Variants in DTD1 observed in about 807,000 individuals in gnomAD.
DTD1 encodes the protein D-aminoacyl-tRNA deacylase 1.
Under a neutral mutation model 25.6 loss-of-function variants are expected in DTD1, and 13 were observed. That is an observed-to-expected ratio of 0.51 (90% confidence interval 0.33 to 0.81). DTD1 has a LOEUF of 0.81. Among genes scored for constraint, DTD1 ranks in the 30% least tolerant of loss-of-function variants. The pLI is 0.02. For missense variants in DTD1, 193 were observed against 266.4 expected, an observed-to-expected ratio of 0.72 and a Z score of 1.92; for synonymous variants, 110 against 103.6, an observed-to-expected ratio of 1.06 and a Z score of -0.37.
intron 4 of DTD1, among the ~76,000 whole-genome samples, chr20:18,713,690 T>C (rs1023953109): frequency 1.3e-5 from 2 of 152,230 alleles, no homozygotes; most frequent in African/African-American, 4.8e-5. Flanking sequence ...ATTCTTTTAC[T>C]TACCTTGGTT....
intron 3 of DTD1, among the ~76,000 whole-genome samples, chr20:18,613,630 T>C (rs1747150525): frequency 6.6e-6 from 1 of 152,238 alleles, no homozygotes; most frequent in South Asian, 2.1e-4. Context: ...CACTTTCATT[T>C]ACCAGTTGTA....
chr20:18,755,707 T>A (rs932382373), intron 5 of DTD1, among the ~76,000 whole-genome samples: 1 of 152,216 alleles, frequency 6.6e-6, no homozygotes, highest in African/African-American at 2.4e-5. Context: ...TCTTTACTAT[T>A]GTGAATAGTG....
intron 4 of DTD1, among the ~76,000 whole-genome samples, chr20:18,676,254 GT>G (rs1288424175): frequency 1.3e-5 from 2 of 152,158 alleles, no homozygotes; most frequent in African/African-American, 4.8e-5. Context: ...ATGTTTGTAT[GT>G]TGTACCCTTA....
chr20:18,708,292 TA>T (rs2061141532), intron 4 of DTD1, among the ~76,000 whole-genome samples: 9 of 60,460 alleles, frequency 1.5e-4, no homozygotes, highest in Admixed American at 5.5e-4. Context: ...ATATTATATA[TA>T]TATAATATAT....
rs762686834 is a variant in DTD1 at position 18,641,521 on chromosome 20, T to TTG, written c.477+13308_477+13309dup. On this transcript the variant is annotated intron_variant, in intron 4 of 5. Coordinates refer to ENST00000377452, the MANE Select transcript of DTD1 (RefSeq NM_080820.6). ...AACATTTGCTGTTTTGTATGTGTGT[T>TTG]TGTGTGTGTGTGTGTGTGTGTTTTC... Among the ~76,000 whole-genome samples, 371 of 149,676 alleles carry TTG rather than the reference T, an allele frequency of 2.5e-3. 3 individuals carry two copies. The highest frequency in any genetic ancestry group is 6.9e-3 in the Middle Eastern group (2 of 288).
chr20:18,610,827 G>C (rs962114279), intron 3 of DTD1, among the ~76,000 whole-genome samples: 3 of 152,174 alleles, frequency 2.0e-5, no homozygotes, highest in Non-Finnish European at 2.9e-5. Context: ...TGGGAGGATC[G>C]CTTTCACACA....
At chr20:18,643,117 G>A (rs2060836240) in intron 4 of DTD1, 1 of 166,028 alleles carries the variant, frequency 6.0e-6, no homozygotes, top group South Asian at 1.4e-4. Context: ...GTTTCTCCAT[G>A]TTGGTCAGGC....
chr20:18,657,329 G>GA lies in DTD1; in HGVS notation c.477+29104dup, dbSNP rs201856445. Among the ~76,000 whole-genome samples, 825 of 151,806 alleles carry GA rather than the reference G, an allele frequency of 5.4e-3. 6 individuals carry two copies. Among genetic ancestry groups the GA allele is most frequent in the South Asian group, 0.035 (169 of 4,804 alleles). Reference sequence around the variant, plus strand: ...ATTACTACTCTGTTGGCAACATGCTGAAAAAAAACAAGGGGAAAGGATAAT... The same window carrying GA: ...ATTACTACTCTGTTGGCAACATGCTGAAAAAAAAACAAGGGGAAAGGATAAT... On this transcript the variant is annotated intron_variant, in intron 4 of 5. Transcript: ENST00000377452.
rs145531294 is a variant in DTD1 at position 18,749,323 on chromosome 20, C to T, written c.*19+5052C>T. Among the ~76,000 whole-genome samples the T allele has an allele frequency of 1.4e-4, 21 of 152,236 alleles. No homozygotes were observed. Among genetic ancestry groups the T allele is most frequent in the African/African-American group, 4.8e-4 (20 of 41,542 alleles). On this transcript the variant is annotated intron_variant, in intron 5 of 5. Coordinates refer to ENST00000377452, the MANE Select transcript of DTD1 (RefSeq NM_080820.6). The surrounding 1 kb of genome is among the most constrained non-coding windows in gnomAD (Gnocchi z 4.2). Reference sequence around the variant, plus strand: ...CCTCAGGGCCTGTGAGAGTGCTGCTCAGCATCGCCGTGGGGTGGGGAAGGC... The same window carrying T: ...CCTCAGGGCCTGTGAGAGTGCTGCTTAGCATCGCCGTGGGGTGGGGAAGGC...
At chr20:18,753,206 G>C (rs2061327045) in intron 5 of DTD1, among the ~76,000 whole-genome samples, 1 of 152,160 alleles carries the variant, frequency 6.6e-6, no homozygotes, top group African/African-American at 2.4e-5. Context: ...GCTACATACA[G>C]CTAGTGGCTG....
chr20:18,603,642 A>G (rs1230368572), intron 3 of DTD1, among the ~76,000 whole-genome samples: 4 of 112,184 alleles, frequency 3.6e-5, no homozygotes, highest in African/African-American at 6.6e-5. Context: ...GCTCAACTAC[A>G]TGGAAACTGA....
chr20:18,698,873 A>G (rs866188210), intron 4 of DTD1, among the ~76,000 whole-genome samples: 38 of 152,168 alleles, frequency 2.5e-4, no homozygotes, highest in African/African-American at 8.9e-4. Context: ...TTACTTTGGC[A>G]GCTCCCAGGT....
In DTD1 at chr20:18,645,101, G is replaced by A. The variant is rs142178062; in HGVS notation, c.477+16868G>A. Among the ~76,000 whole-genome samples, 38 of 152,342 alleles carry A rather than the reference G, an allele frequency of 2.5e-4. No homozygotes were observed. The East Asian group carries it at 6.6e-3, about 26-fold the overall frequency. ...GGGGGTTGAGGCCACAGTGAGCCAT[G>A]ATCGTGTGTCTGGACTCCAGCTTGG... On this transcript the variant is annotated intron_variant, in intron 4 of 5. Coordinates refer to ENST00000377452, the MANE Select transcript of DTD1 (RefSeq NM_080820.6).
At chr20:18,637,783 C>T (rs4814768) in intron 4 of DTD1, among the ~76,000 whole-genome samples, 15,577 of 152,166 alleles carry the variant, frequency 0.1, 1,104 homozygotes, top group East Asian at 0.34. Context: ...TGTATTATTA[C>T]CTATTCAGTT....
At chr20:18,728,468 T>G (rs1474703320) in intron 4 of DTD1, among the ~76,000 whole-genome samples, 1 of 152,176 alleles carries the variant, frequency 6.6e-6, no homozygotes, top group East Asian at 1.9e-4. Context: ...GAATGCAGAT[T>G]GTGGTTCTGC....
At chr20:18,685,607 C>T (rs2122421449) in intron 4 of DTD1, among the ~76,000 whole-genome samples, 1 of 152,306 alleles carries the variant, frequency 6.6e-6, no homozygotes, top group South Asian at 2.1e-4. Flanking sequence ...CTCATATGTG[C>T]ATTTGGATTT....
At chr20:18,698,931 T>A (rs2061091059) in intron 4 of DTD1, among the ~76,000 whole-genome samples, 1 of 152,124 alleles carries the variant, frequency 6.6e-6, no homozygotes, top group Admixed American at 6.5e-5. Flanking sequence ...CTCCTCTTGG[T>A]TACAAAATGG....
intron 4 of DTD1, among the ~76,000 whole-genome samples, chr20:18,730,531 T>C (rs1282496324): frequency 6.6e-6 from 1 of 152,268 alleles, no homozygotes; most frequent in Non-Finnish European, 1.5e-5. Context: ...TTTGTATTTG[T>C]ATCAACTTAA....
intron 4 of DTD1, among the ~76,000 whole-genome samples, chr20:18,700,376 T>A (rs2061099189): frequency 6.6e-6 from 1 of 152,212 alleles, no homozygotes; most frequent in African/African-American, 2.4e-5. Flanking sequence ...TTGATGTTTT[T>A]AAAAATCAAA....
Sources: gnomAD v4.1 joint callset for allele counts (sites outside exome capture counted in the v4.1 genomes callset) on GRCh38, gnomAD v4.1.1 for gene constraint, Gnocchi (gnomAD v3.1) non-coding constraint, MANE v1.5 for transcripts, NCBI Gene and HGNC (gene_info 2026-07-23, HGNC 2026-07-21) for gene names.